The following COBLL1 variants were observed in gnomAD, a reference collection of about 807,000 sequenced individuals.
COBLL1 encodes the protein cordon-bleu WH2 repeat protein like 1.
COBLL1 carries 50 observed loss-of-function variants against 94.8 expected under a neutral mutation model. The ratio of observed to expected loss-of-function variants is 0.53; its 90% CI spans 0.42 to 0.67. COBLL1 has a LOEUF of 0.67. Among genes scored for constraint, COBLL1 ranks in the 30% least tolerant of loss-of-function variants. The pLI, the probability that COBLL1 is intolerant of heterozygous loss-of-function variation, is 0.00. For synonymous variants in COBLL1, 448 were observed against 473.8 expected (o/e 0.95, Z 0.71); for missense variants, 1,362 against 1,348.7 (o/e 1.01, Z -0.15).
intron 2 of COBLL1, among the ~76,000 whole-genome samples, chr2:164,785,907 C>T (rs892244382): frequency 2.3e-5 from 3 of 131,298 alleles, no homozygotes; most frequent in Admixed American, 7.8e-5. Context: ...AATCCTCCTC[C>T]GCAACAAAAG....
chr2:164,772,901 A>G (rs1211175883), intron 2 of COBLL1, among the ~76,000 whole-genome samples: 1 of 152,116 alleles, frequency 6.6e-6, no homozygotes, highest in African/African-American at 2.4e-5. Context: ...CAGTTAGTTT[A>G]GCAAAATTAT....
chr2:164,824,618 T>G (rs115049789), intron 2 of COBLL1, among the ~76,000 whole-genome samples: 215 of 152,314 alleles, frequency 1.4e-3, no homozygotes, highest in African/African-American at 5.1e-3. Context: ...AACCTACACT[T>G]TCCCAAAGTT....
At chr2:164,743,441 A>T in intron 3 of COBLL1, 1 of 356,188 alleles carries the variant, frequency 2.8e-6, no homozygotes, top group Non-Finnish European at 5.1e-6. Flanking sequence ...ATAACTAACG[A>T]GATATGAAAG....
Position 164,841,412 on chromosome 2 carries a change from G to A in COBLL1, c.-50-166C>T. ...CCCCGGCTCCCAGCCCGCGGGCGCC[G>A]CCGCCGTCTCTACAAGGTCTAGCGG... On this transcript the variant is annotated intron_variant, in intron 1 of 13. Coordinates refer to ENST00000652658, the MANE Select transcript of COBLL1 (RefSeq NM_001365672.2). The surrounding 1 kb of genome is among the most constrained non-coding windows in gnomAD (Gnocchi z 5.5). 1.7e-6 allele frequency: 2 copies of A among 1,163,728 alleles called. No homozygotes were observed. The highest frequency in any genetic ancestry group is 2.1e-6 in the Non-Finnish European group (2 of 944,932). 72.1% of individuals were successfully genotyped at this position (1,163,728 alleles called of 1,614,324 possible). A position where few individuals can be genotyped will look rare whatever the true frequency, so the allele number is the denominator to read the frequency against.
chr2:164,716,248 C>A (rs981202342), intron 7 of COBLL1, among the ~76,000 whole-genome samples: 1 of 152,116 alleles, frequency 6.6e-6, no homozygotes, highest in Non-Finnish European at 1.5e-5. Context: ...TCACAAATGA[C>A]AATCTTATCG....
intron 2 of COBLL1, among the ~76,000 whole-genome samples, chr2:164,759,136 C>A (rs1291279986): frequency 1.3e-5 from 2 of 152,108 alleles, no homozygotes. Context: ...TTTCAAGTCA[C>A]AATGTGAATA....
chr2:164,673,546 A>G (rs1691283252), intron 1 of COBLL1, among the ~76,000 whole-genome samples: 1 of 152,036 alleles, frequency 6.6e-6, no homozygotes. Context: ...GTGGTGGCGC[A>G]TGTTTGTAAT....
intron 10 of COBLL1, among the ~76,000 whole-genome samples, chr2:164,699,994 T>C (rs1180932241): frequency 1.3e-5 from 2 of 152,068 alleles, no homozygotes; most frequent in African/African-American, 2.4e-5. Context: ...GCTTGGTTGA[T>C]TTCATCTTTA....
intron 2 of COBLL1, among the ~76,000 whole-genome samples, chr2:164,783,219 T>C (rs1026531645): frequency 6.6e-6 from 1 of 151,978 alleles, no homozygotes; most frequent in Admixed American, 6.6e-5. Flanking sequence ...CTGGTCAACA[T>C]AATGAGACCT....
At chr2:164,708,499 T>A (rs1186615989) in intron 7 of COBLL1, among the ~76,000 whole-genome samples, 1 of 152,194 alleles carries the variant, frequency 6.6e-6, no homozygotes, top group Non-Finnish European at 1.5e-5. Flanking sequence ...TAAATAGAAA[T>A]CTTTCTACTG....
At chr2:164,768,529 TAAGATA>T (rs1446902898) in intron 2 of COBLL1, among the ~76,000 whole-genome samples, 1 of 152,166 alleles carries the variant, frequency 6.6e-6, no homozygotes, top group Non-Finnish European at 1.5e-5. Flanking sequence ...ACCTTTGAAT[TAAGATA>T]TAAATACAGA....
At chr2:164,796,993 G>A (rs576263122) in intron 2 of COBLL1, among the ~76,000 whole-genome samples, 35 of 152,212 alleles carry the variant, frequency 2.3e-4, no homozygotes, top group African/African-American at 8.2e-4. Context: ...TTTTTAAAGA[G>A]AAGAGAAAGG....
At chr2:164,728,905 T>C (rs1174400651) in intron 4 of COBLL1, among the ~76,000 whole-genome samples, 1 of 152,054 alleles carries the variant, frequency 6.6e-6, no homozygotes, top group African/African-American at 2.4e-5. Context: ...AAATCCTGTA[T>C]GGAACTTAGC....
At chr2:164,790,830 C>T (rs892441453) in intron 2 of COBLL1, among the ~76,000 whole-genome samples, 6 of 152,126 alleles carry the variant, frequency 3.9e-5, no homozygotes, top group African/African-American at 1.4e-4. Flanking sequence ...CACCATTGAT[C>T]GCTGATGGGA....
rs547221373 is a variant in COBLL1 at position 164,834,847 on chromosome 2, G to C, written c.41+6309C>G. Among the ~76,000 whole-genome samples, 49 of 152,248 alleles carry C rather than the reference G, an allele frequency of 3.2e-4. No homozygotes were observed. The East Asian group carries it at 4.0e-3, about 13-fold the overall frequency. On this transcript the variant is annotated intron_variant, in intron 2 of 13. Transcript: ENST00000652658. ...GATTGAAAAACAAAGGACTTGAACA[G>C]ATATCTCTCCAAAGATGATTTACAA...
intron 13 of COBLL1, among the ~76,000 whole-genome samples, chr2:164,691,412 C>G (rs527309168): frequency 6.6e-6 from 1 of 152,138 alleles, no homozygotes. Flanking sequence ...TGAAATGCCT[C>G]GGGAGTTAAT....
At chr2:164,833,651 A>C (rs916857394) in intron 2 of COBLL1, among the ~76,000 whole-genome samples, 8 of 151,736 alleles carry the variant, frequency 5.3e-5, no homozygotes, top group Non-Finnish European at 1.0e-4. Context: ...GGGGTTTCAC[A>C]GTGTTAGCCA....
chr2:164,680,666 A>T lies in COBLL1; in HGVS notation c.*5280T>A, dbSNP rs1244631996. ...ACAGTTGCCAGATTTAGCTAAGAAA[A>T]ATACAGGATGCCTAGTTAGCTTGAA... On this transcript the variant is annotated 3_prime_UTR_variant, in exon 14 of 14. Coordinates refer to ENST00000652658, the MANE Select transcript of COBLL1 (RefSeq NM_001365672.2). The T allele has an allele frequency of 1.3e-5, 2 of 152,176 alleles. No homozygotes were observed. Among genetic ancestry groups the T allele is most frequent in the Non-Finnish European group, 1.5e-5 (1 of 68,030 alleles). The allele number at this position is 152,176 out of a possible 1,614,324, so 9.4% of individuals were successfully genotyped here. A position where few individuals can be genotyped will look rare whatever the true frequency, so the allele number is the denominator to read the frequency against.
At position 164,764,629 on chromosome 2, in the gene COBLL1, G is replaced by A. The variant is rs369307085; in HGVS notation, c.42-20754C>T. On this transcript the variant is annotated intron_variant, in intron 2 of 13. Transcript: ENST00000652658. ...CCAGGTGTGGGCCAAAAAAGCATAT[G>A]AGACTTTTTGGGCAAACAGAATGTT... 6.6e-5 allele frequency among the ~76,000 whole-genome samples: 10 copies of A among 152,224 alleles called. No homozygotes were observed. The East Asian group carries it at 1.7e-3, about 27-fold the overall frequency.
Sources: gnomAD v4.1 joint callset for allele counts (sites outside exome capture counted in the v4.1 genomes callset) on GRCh38, gnomAD v4.1.1 for gene constraint, Gnocchi (gnomAD v3.1) non-coding constraint, MANE v1.5 for transcripts, NCBI Gene and HGNC (gene_info 2026-07-23, HGNC 2026-07-21) for gene names.